CEP128: variants seen among roughly 807,000 people sequenced by gnomAD.
CEP128 encodes the protein centrosomal protein 128, also known as centrosomal protein 128kDa.
A neutral mutation model predicts 156.7 loss-of-function variants in CEP128; 132 were observed. That is an observed-to-expected ratio of 0.84 (90% CI 0.73 to 0.97). The LOEUF (loss-of-function observed/expected upper bound fraction) is 0.97, where lower values mean the gene tolerates loss of function less well. Ranked by LOEUF, CEP128 falls within the 50% of genes least tolerant of loss-of-function variation. The pLI is 0.00. For synonymous variants in CEP128, 469 were observed against 448.9 expected, an observed-to-expected ratio of 1.04 and a Z score of -0.57; for missense variants, 1,252 against 1,281.9, an observed-to-expected ratio of 0.98 and a Z score of 0.36.
chr14:80,889,202 GC>G (rs1035843879), intron 8 of CEP128, among the ~76,000 whole-genome samples: 1 of 152,144 alleles, frequency 6.6e-6, no homozygotes, highest in African/African-American at 2.4e-5. Flanking sequence ...TGGCAATACT[GC>G]CCAAAGTAAT....
At chr14:80,652,825 A>C (rs1894964418) in intron 19 of CEP128, among the ~76,000 whole-genome samples, 1 of 152,170 alleles carries the variant, frequency 6.6e-6, no homozygotes, top group African/African-American at 2.4e-5. Context: ...TTGACCCAGC[A>C]ATCCCATTAC....
intron 21 of CEP128, among the ~76,000 whole-genome samples, chr14:80,534,566 C>T (rs1383486528): frequency 1.3e-5 from 2 of 152,204 alleles, no homozygotes; most frequent in South Asian, 2.1e-4. Context: ...TGGCTCACGC[C>T]TGTAATCCCA....
chr14:80,791,120 T>G (rs1204585562), intron 14 of CEP128, among the ~76,000 whole-genome samples: 1 of 152,182 alleles, frequency 6.6e-6, no homozygotes, highest in Non-Finnish European at 1.5e-5. Context: ...TTTTAAATTT[T>G]TTTTCCAAAA....
chr14:80,944,130 AC>A (rs1451254736), upstream of CEP128, among the ~76,000 whole-genome samples: 1 of 152,174 alleles, frequency 6.6e-6, no homozygotes, highest in East Asian at 1.9e-4. Flanking sequence ...TTGTCTCATA[AC>A]TCCCAAAGAT....
At position 80,505,174 on chromosome 14, in the gene CEP128, G is replaced by A. The variant is rs146828293; in HGVS notation, c.3073-154C>T. On this transcript the variant is annotated intron_variant, in intron 23 of 24. Coordinates refer to ENST00000555265, the MANE Select transcript of CEP128 (RefSeq NM_152446.5). ...TATAATCACTGTAAAAATAAAATAT[G>A]TGCATGTTAAGGATAATTTGGAAAA... Among the ~76,000 whole-genome samples the A allele has an allele frequency of 4.1e-3, 626 of 152,292 alleles. 1 individual carries two copies. Among genetic ancestry groups the A allele is most frequent in the African/African-American group, 9.8e-3 (409 of 41,562 alleles).
chr14:80,922,656 GAGT>G (rs921937156), intron 2 of CEP128, among the ~76,000 whole-genome samples: 5 of 152,146 alleles, frequency 3.3e-5, no homozygotes, highest in Non-Finnish European at 7.4e-5. Flanking sequence ...GAATTATTAA[GAGT>G]AGAAGAAGAA....
chr14:80,762,117 TACC>T (rs1900000448), intron 16 of CEP128, among the ~76,000 whole-genome samples: 1 of 152,142 alleles, frequency 6.6e-6, no homozygotes, highest in Non-Finnish European at 1.5e-5. Context: ...CAATTGCATT[TACC>T]ACATAAATGC....
At chr14:80,792,736 T>A in intron 14 of CEP128, 24 bp downstream of exon 14, 1 of 1,588,034 alleles carries the variant, frequency 6.3e-7, no homozygotes, top group Non-Finnish European at 8.6e-7. Context: ...TGAAAACCGT[T>A]CCTTAGGAAT....
chr14:80,642,106 AG>A (rs1894439110), intron 19 of CEP128, among the ~76,000 whole-genome samples: 2 of 150,998 alleles, frequency 1.3e-5, no homozygotes, highest in Non-Finnish European at 3.0e-5. Context: ...AAAAAAGAAG[AG>A]AGAGACAGCC....
chr14:80,697,652 T>C (rs1470001739), intron 19 of CEP128, among the ~76,000 whole-genome samples: 1 of 152,012 alleles, frequency 6.6e-6, no homozygotes, highest in Admixed American at 6.6e-5. Flanking sequence ...CAATTTTAAA[T>C]AGAAAAATAG....
chr14:80,864,561 ATT>A (rs559840411), intron 8 of CEP128, among the ~76,000 whole-genome samples: 6 of 144,784 alleles, frequency 4.1e-5, no homozygotes, highest in Non-Finnish European at 3.1e-5. Context: ...TTGTTTCTCA[ATT>A]TTTTTTTTTT....
intron 19 of CEP128, among the ~76,000 whole-genome samples, chr14:80,615,569 C>T (rs1438715672): frequency 6.6e-6 from 1 of 152,162 alleles, no homozygotes; most frequent in Non-Finnish European, 1.5e-5. Flanking sequence ...CCACAGACAA[C>T]ACAACTCCAA....
intron 8 of CEP128, among the ~76,000 whole-genome samples, chr14:80,885,267 C>T (rs1888741228): frequency 6.6e-6 from 1 of 152,188 alleles, no homozygotes; most frequent in South Asian, 2.1e-4. Context: ...GAAAAGCACT[C>T]GAGCTCTGCT....
intron 19 of CEP128, among the ~76,000 whole-genome samples, chr14:80,688,845 A>G (rs2139295418): frequency 6.6e-6 from 1 of 152,346 alleles, no homozygotes; most frequent in Non-Finnish European, 1.5e-5. Flanking sequence ...TTACTTTGTT[A>G]TAATTTCACC....
chr14:80,925,261 G>A (rs1394411576), intron 2 of CEP128, among the ~76,000 whole-genome samples: 1 of 151,766 alleles, frequency 6.6e-6, no homozygotes, highest in Non-Finnish European at 1.5e-5. Flanking sequence ...TGCACAGTGA[G>A]AAAAGAAGTA....
intron 13 of CEP128, among the ~76,000 whole-genome samples, chr14:80,811,363 TC>T (rs1884522280): frequency 6.6e-6 from 1 of 152,154 alleles, no homozygotes; most frequent in South Asian, 2.1e-4. Context: ...CACTCTGTCT[TC>T]CAGAATGGTT....
At chr14:80,559,391 A>G in intron 20 of CEP128, 89 bp from the exon 21 acceptor site, 1 of 993,222 alleles carries the variant, frequency 1.0e-6, no homozygotes, top group South Asian at 1.6e-5. Flanking sequence ...TCTATTTACC[A>G]TCTATTATTA....
intron 8 of CEP128, among the ~76,000 whole-genome samples, chr14:80,869,085 T>C (rs546753479): frequency 1.3e-5 from 2 of 151,958 alleles, no homozygotes; most frequent in East Asian, 1.9e-4. Context: ...GGAAAGTCTA[T>C]AGAGAAACAT....
chr14:80,882,019 T>G (rs1435850830), intron 8 of CEP128, among the ~76,000 whole-genome samples: 2 of 151,912 alleles, frequency 1.3e-5, no homozygotes, highest in African/African-American at 4.8e-5. Flanking sequence ...GCTAGAATAA[T>G]AAGACAAGAT....
Sources: allele counts gnomAD v4.1 joint callset (sites outside exome capture counted in the v4.1 genomes callset), GRCh38; gene constraint gnomAD v4.1.1; transcripts MANE v1.5; gene names NCBI Gene and HGNC (gene_info 2026-07-23, HGNC 2026-07-21).